TTC28: variants seen among roughly 807,000 people sequenced by gnomAD.
The protein encoded by TTC28 is tetratricopeptide repeat protein 28.
Under a neutral mutation model 198.0 loss-of-function variants are expected in TTC28, and 61 were observed. The ratio of observed to expected loss-of-function variants is 0.31; its 90% CI spans 0.25 to 0.38. The LOEUF (loss-of-function observed/expected upper bound fraction) is 0.38. TTC28 is among the 10% of genes least tolerant of loss of function. The pLI is 1.00. For missense variants in TTC28, 2,678 were observed against 3,164.0 expected (o/e 0.85, Z 3.69); for synonymous variants, 1,171 against 1,297.8 (o/e 0.90, Z 2.10).
chr22:28,611,331 CACAA>C (rs1442458946), intron 2 of TTC28, among the ~76,000 whole-genome samples: 12 of 152,056 alleles, frequency 7.9e-5, no homozygotes, highest in African/African-American at 2.7e-4. Flanking sequence ...TCAGGTTACC[CACAA>C]TGGGAAGCCC....
At chr22:28,478,370 A>C (rs186999955) in intron 2 of TTC28, among the ~76,000 whole-genome samples, 2 of 152,152 alleles carry the variant, frequency 1.3e-5, no homozygotes, top group Admixed American at 1.3e-4. Flanking sequence ...TTAGCCAGGC[A>C]TGGTGGCATG....
intron 6 of TTC28, among the ~76,000 whole-genome samples, chr22:28,128,998 T>A (rs537047412): frequency 2.6e-4 from 39 of 152,326 alleles, no homozygotes; most frequent in African/African-American, 8.7e-4. Flanking sequence ...TCATAAAGAT[T>A]GCAAAAGATG....
chr22:28,186,881 C>T lies in TTC28; in HGVS notation c.934-23282G>A, dbSNP rs184861924. 2.2e-3 allele frequency among the ~76,000 whole-genome samples: 333 copies of T among 152,200 alleles called. 3 individuals carry two copies. The highest frequency in any genetic ancestry group is 7.6e-3 in the African/African-American group (314 of 41,526). On this transcript the variant is annotated intron_variant, in intron 5 of 22. Coordinates refer to ENST00000397906, the MANE Select transcript of TTC28 (RefSeq NM_001145418.2). ...ACTCCAGATGGGAGTAGGATACAGC[C>T]GTTTCCTGTTCTGCCTTCTTTCCAA...
intron 5 of TTC28, among the ~76,000 whole-genome samples, chr22:28,259,787 A>G (rs1322376225): frequency 6.6e-6 from 1 of 152,140 alleles, no homozygotes; most frequent in African/African-American, 2.4e-5. Flanking sequence ...TGCCTTTAAA[A>G]GTGTTGTGCT....
chr22:28,405,162 CAGA>C lies in TTC28; in HGVS notation c.382-98522_382-98520del, dbSNP rs745613750. On this transcript the variant is annotated intron_variant, in intron 2 of 22. Coordinates refer to ENST00000397906, the MANE Select transcript of TTC28 (RefSeq NM_001145418.2). ...TTTTACTCATACACAATTCATCATG[CAGA>C]AGGTTTTTTTAAATGATTTTGACAA... Among the ~76,000 whole-genome samples the C allele has an allele frequency of 9.9e-5, 15 of 152,190 alleles. No individual in the cohort carries two copies. In the East Asian group the frequency reaches 1.2e-3, roughly 12 times the overall value.
chr22:28,182,879 T>G (rs951882516), intron 5 of TTC28, among the ~76,000 whole-genome samples: 2 of 152,166 alleles, frequency 1.3e-5, no homozygotes, highest in East Asian at 3.8e-4. Context: ...AAACTTTGTT[T>G]AAACCAAATT....
intron 12 of TTC28, among the ~76,000 whole-genome samples, chr22:28,078,812 G>A (rs1413855477): frequency 1.3e-5 from 2 of 152,120 alleles, no homozygotes; most frequent in Non-Finnish European, 2.9e-5. Flanking sequence ...AACTAACAAC[G>A]GAGCTTCTGA....
At position 27,983,686 on chromosome 22, in the gene TTC28, C is replaced by G. The variant is rs772528499; in HGVS notation, c.5981G>C (p.Ser1994Thr). The change falls in exon 23 of 23, where the codon AGT (serine) becomes ACT (threonine). Residue 1994 changes from serine (S) to threonine (T), a missense_variant. Coordinates refer to ENST00000397906, the MANE Select transcript of TTC28 (RefSeq NM_001145418.2). ...CATTGAGGAGGCAATGGAGCTCAGACTGTACACAGAGATGGCATCTGAGGC... is the reference window on the plus strand; with the variant it reads ...CATTGAGGAGGCAATGGAGCTCAGAGTGTACACAGAGATGGCATCTGAGGC... ...SIASDAISVY[S>T]LSSIASSMSF... is the part of the protein sequence containing the mutation. 3.2e-6 allele frequency: 5 copies of G among 1,549,382 alleles called. No homozygotes were observed. In the South Asian group the frequency reaches 4.8e-5, roughly 15 times the overall value.
intron 2 of TTC28, among the ~76,000 whole-genome samples, chr22:28,495,611 C>T (rs966694097): frequency 2.2e-4 from 33 of 152,060 alleles, no homozygotes; most frequent in African/African-American, 6.5e-4. Flanking sequence ...CTATGGGATA[C>T]AAAAAATAGT....
At chr22:28,334,056 G>A (rs2045663098) in intron 2 of TTC28, among the ~76,000 whole-genome samples, 1 of 133,920 alleles carries the variant, frequency 7.5e-6, no homozygotes, top group Non-Finnish European at 1.5e-5. Context: ...CTGTGTCCAT[G>A]TGTTCTCATT....
intron 2 of TTC28, among the ~76,000 whole-genome samples, chr22:28,504,229 G>C (rs1173404366): frequency 6.6e-6 from 1 of 152,056 alleles, no homozygotes; most frequent in East Asian, 1.9e-4. Context: ...TATCCTTCTA[G>C]TAACTGTCTT....
In TTC28 at chr22:28,093,642, C is replaced by T. The variant is rs995876581; in HGVS notation, c.3932+438G>A. 2.6e-5 allele frequency among the ~76,000 whole-genome samples: 4 copies of T among 152,290 alleles called. No homozygotes were observed. In the East Asian group the frequency reaches 5.8e-4, roughly 22 times the overall value. ...AGAGTTCAGCTCCTTTCACCTCACC[C>T]CTCAGGCTCACAGATCTGTGCACAT... is the stretch of plus-strand genomic sequence containing the variant. On this transcript the variant is annotated intron_variant, in intron 12 of 22. Coordinates refer to ENST00000397906, the MANE Select transcript of TTC28 (RefSeq NM_001145418.2).
At chr22:28,074,137 G>A (rs912340552) in intron 12 of TTC28, among the ~76,000 whole-genome samples, 2 of 151,922 alleles carry the variant, frequency 1.3e-5, no homozygotes, top group Non-Finnish European at 2.9e-5. Flanking sequence ...TATATACTAG[G>A]GTTATTTTCC....
At chr22:28,367,327 T>A (rs951268153) in intron 2 of TTC28, among the ~76,000 whole-genome samples, 2 of 151,958 alleles carry the variant, frequency 1.3e-5, no homozygotes, top group Non-Finnish European at 1.5e-5. Flanking sequence ...AACAAAATGC[T>A]CCTGAATGAC....
intron 3 of TTC28, among the ~76,000 whole-genome samples, 192 bp from the exon 4 acceptor site, chr22:28,298,044 T>C (rs1261127905): frequency 6.6e-6 from 1 of 152,182 alleles, no homozygotes; most frequent in African/African-American, 2.4e-5. Context: ...AGTCCAGTAA[T>C]TTCCTTCTCC....
chr22:28,069,901 T>A (rs904097796), intron 12 of TTC28, among the ~76,000 whole-genome samples: 1 of 147,302 alleles, frequency 6.8e-6, no homozygotes, highest in Non-Finnish European at 1.5e-5. Flanking sequence ...AGTATTAGCC[T>A]ACACTAAATT....
At chr22:28,050,831 C>A (rs1255763343) in intron 12 of TTC28, among the ~76,000 whole-genome samples, 2 of 152,134 alleles carry the variant, frequency 1.3e-5, no homozygotes, top group African/African-American at 4.8e-5. Flanking sequence ...CGAATGCCCC[C>A]CTCAGAGTTG....
At chr22:28,099,986 C>T (rs938352948) in intron 9 of TTC28, among the ~76,000 whole-genome samples, 1 of 152,260 alleles carries the variant, frequency 6.6e-6, no homozygotes, top group Non-Finnish European at 1.5e-5. Flanking sequence ...ATTGCCATTC[C>T]TAACGGAGAC....
At chr22:28,119,560 A>G (rs1942729469) in intron 6 of TTC28, among the ~76,000 whole-genome samples, 2 of 152,234 alleles carry the variant, frequency 1.3e-5, no homozygotes, top group Admixed American at 1.3e-4. Flanking sequence ...TAGGGGAGGA[A>G]GTGCCCTTAC....
Sources: allele counts gnomAD v4.1 joint callset (sites outside exome capture counted in the v4.1 genomes callset), GRCh38; gene constraint gnomAD v4.1.1; transcripts MANE v1.5; gene names NCBI Gene and HGNC (gene_info 2026-07-23, HGNC 2026-07-21).